FRMPD4: variants seen among roughly 807,000 people sequenced by gnomAD.
The protein encoded by FRMPD4 is FERM and PDZ domain-containing protein 4.
Under a neutral mutation model 94.1 loss-of-function variants are expected in FRMPD4, and 22 were observed. That is an observed-to-expected ratio of 0.23 (90% CI 0.17 to 0.33). The LOEUF (loss-of-function observed/expected upper bound fraction) is 0.33, where lower values mean the gene tolerates loss of function less well. Ranked by LOEUF, FRMPD4 falls within the 10% of genes least tolerant of loss-of-function variation. The pLI is 1.00. For synonymous variants in FRMPD4, 631 were observed against 548.6 expected, an observed-to-expected ratio of 1.15 and a Z score of -2.10; for missense variants, 1,111 against 1,339.9, an observed-to-expected ratio of 0.83 and a Z score of 2.67.
At chrX:12,577,511 GC>G (rs1388573265) in intron 2 of FRMPD4, among the ~76,000 whole-genome samples, 1 of 110,746 alleles carries the variant, frequency 9.0e-6, no homozygotes, top group East Asian at 2.8e-4. Flanking sequence ...TGTGTGGGGA[GC>G]CTGAAGCCAG....
At chrX:11,906,060 T>A (rs2053965401) in intron 3 of FRMPD4, among the ~76,000 whole-genome samples, 1 of 111,436 alleles carries the variant, frequency 9.0e-6, no homozygotes. Context: ...CTTCATTCTA[T>A]CACATAGTCT....
chrX:12,103,709 G>T (rs1472818688), intron 3 of FRMPD4, among the ~76,000 whole-genome samples: 1 of 111,349 alleles, frequency 9.0e-6, no homozygotes, highest in Non-Finnish European at 1.9e-5. Flanking sequence ...ATATATAATG[G>T]AAAATTTAGA....
At chrX:12,060,721 A>T (rs1453110076) in intron 3 of FRMPD4, among the ~76,000 whole-genome samples, 1 of 111,009 alleles carries the variant, frequency 9.0e-6, no homozygotes, top group Non-Finnish European at 1.9e-5. Flanking sequence ...CGTTCATCTA[A>T]CATCTCTTTT....
chrX:12,086,575 A>C (rs1329008088), intron 3 of FRMPD4, among the ~76,000 whole-genome samples: 1 of 111,545 alleles, frequency 9.0e-6, no homozygotes, highest in Non-Finnish European at 1.9e-5. Context: ...TGCTTAAGGA[A>C]TAGGGTGACA....
intron 1 of FRMPD4, among the ~76,000 whole-genome samples, chrX:12,344,855 G>A (rs2055676110): frequency 9.0e-6 from 1 of 111,686 alleles, no homozygotes; most frequent in Non-Finnish European, 1.9e-5. Flanking sequence ...GGGGAGGGGG[G>A]ATAAATCTAA....
chrX:12,097,365 G>C (rs1774234153), intron 3 of FRMPD4, among the ~76,000 whole-genome samples: 1 of 112,236 alleles, frequency 8.9e-6, no homozygotes, highest in Non-Finnish European at 1.9e-5. Flanking sequence ...ATTCAGGAAA[G>C]ATTGCATCTA....
chrX:11,954,450 G>A (rs1190846064), intron 3 of FRMPD4, among the ~76,000 whole-genome samples: 5 of 112,011 alleles, frequency 4.5e-5, no homozygotes, highest in African/African-American at 6.5e-5. Context: ...GAATAATGTG[G>A]CTAAGAGGGT....
chrX:12,589,976 C>A (rs1292306863), intron 2 of FRMPD4, among the ~76,000 whole-genome samples: 4 of 112,242 alleles, frequency 3.6e-5, no homozygotes, highest in African/African-American at 9.7e-5. Context: ...GCATAATTAT[C>A]ATATGAGACT....
intron 3 of FRMPD4, among the ~76,000 whole-genome samples, chrX:12,110,861 A>G (rs753999282): frequency 1.3e-3 from 148 of 111,344 alleles, no homozygotes; most frequent in Admixed American, 2.2e-3. Flanking sequence ...TCCAACTTAC[A>G]AGGGATGTGA....
intron 1 of FRMPD4, among the ~76,000 whole-genome samples, chrX:12,439,409 G>A (rs1469864439): frequency 9.0e-6 from 1 of 111,534 alleles, no homozygotes; most frequent in South Asian, 3.9e-4. Flanking sequence ...GCTTTTCATT[G>A]TTCTTGACGC....
At chrX:12,402,821 C>T (rs1248600638) in intron 1 of FRMPD4, among the ~76,000 whole-genome samples, 1 of 112,018 alleles carries the variant, frequency 8.9e-6, no homozygotes, top group Non-Finnish European at 1.9e-5. Context: ...CATTGGTCCA[C>T]TCCAGAGGAT....
At chrX:12,486,309 T>C in intron 1 of FRMPD4, among the ~76,000 whole-genome samples, 1 of 112,004 alleles carries the variant, frequency 8.9e-6, no homozygotes. Context: ...TGCTGAATCC[T>C]GAGCCCCACT....
At chrX:12,713,617 C>G (rs1049426616) in intron 14 of FRMPD4, among the ~76,000 whole-genome samples, 2 of 111,449 alleles carry the variant, frequency 1.8e-5, no homozygotes, top group Non-Finnish European at 3.8e-5. Context: ...TGAAAGTACT[C>G]TCTTCTCTTC....
intron 3 of FRMPD4, among the ~76,000 whole-genome samples, chrX:11,911,826 G>T (rs1478587143): frequency 8.9e-6 from 1 of 112,158 alleles, no homozygotes; most frequent in East Asian, 2.8e-4. Context: ...TGAGCCAGAA[G>T]ATATTTCAGC....
intron 1 of FRMPD4, among the ~76,000 whole-genome samples, chrX:12,147,620 C>T (rs767602780): frequency 9.0e-6 from 1 of 111,537 alleles, no homozygotes; most frequent in Non-Finnish European, 1.9e-5. Context: ...TCTTCAAGGG[C>T]AAATCCCCTG....
chrX:11,921,759 A>G (rs2054057882), intron 3 of FRMPD4, among the ~76,000 whole-genome samples: 1 of 112,396 alleles, frequency 8.9e-6, no homozygotes. Flanking sequence ...TGAACTATAA[A>G]TAAACTTTTG....
intron 1 of FRMPD4, among the ~76,000 whole-genome samples, chrX:12,181,325 A>G (rs1462855479): frequency 8.9e-6 from 1 of 112,219 alleles, no homozygotes; most frequent in Non-Finnish European, 1.9e-5. Flanking sequence ...AGAATTTTCA[A>G]AACAACAGTT....
chrX:12,698,556 G>C (rs1230728432), intron 9 of FRMPD4, among the ~76,000 whole-genome samples: 1 of 110,653 alleles, frequency 9.0e-6, no homozygotes, highest in African/African-American at 3.3e-5. Context: ...CCATTTGCTT[G>C]TATAACTGTA....
chrX:12,216,957 A>G (rs1397342928), intron 1 of FRMPD4, among the ~76,000 whole-genome samples: 3 of 111,601 alleles, frequency 2.7e-5, no homozygotes, highest in African/African-American at 9.8e-5. Context: ...GCTCTGCCCT[A>G]GGTTTAAAAA....
Sources: gnomAD v4.1 joint callset for allele counts (sites outside exome capture counted in the v4.1 genomes callset) on GRCh38, gnomAD v4.1.1 for gene constraint, MANE v1.5 for transcripts, NCBI Gene and HGNC (gene_info 2026-07-23, HGNC 2026-07-21) for gene names.